Variants in RHPN1 observed in about 807,000 individuals in gnomAD.
RHPN1 encodes the protein rhophilin Rho GTPase binding protein 1.
In RHPN1, 77 loss-of-function variants were observed where a neutral mutation model predicts 74.7. The observed-to-expected ratio is 1.03, with a 90% CI of 0.86 to 1.25. The LOEUF is 1.25. RHPN1 is among the 50% of genes most tolerant of loss of function. The probability of loss-of-function intolerance (pLI) is 0.00; values close to 1 mark genes in which losing one functional copy is unlikely to be tolerated. For synonymous variants in RHPN1, 444 were observed against 414.5 expected (o/e 1.07, Z -0.87); for missense variants, 987 against 932.2 (o/e 1.06, Z -0.77).
At chr8:143,374,020 G>T (rs988597509) in intron 1 of RHPN1, 1 of 615,288 alleles carries the variant, frequency 1.6e-6, no homozygotes, top group South Asian at 7.1e-5. Context: ...ATTTTGGGGG[G>T]CTGGACGAGC....
chr8:143,377,634 G>A (rs1818370235), intron 4 of RHPN1, among the ~76,000 whole-genome samples, 179 bp downstream of exon 4: 1 of 151,462 alleles, frequency 6.6e-6, no homozygotes, highest in Non-Finnish European at 1.5e-5. Context: ...CCCAGCCTCT[G>A]CTGCGTTCAG....
In RHPN1 at chr8:143,382,442, C is replaced by G; in HGVS notation, c.1804C>G (p.Arg602Gly). The change falls in exon 15 of 15, where the codon CGC becomes GGC. Residue 602 changes from arginine (R) to glycine (G), a missense_variant. Physicochemically the swap from Arg to Gly is moderately radical, Grantham distance 125. Coordinates refer to ENST00000289013, the MANE Select transcript of RHPN1 (RefSeq NM_052924.3). ...PSSRLPSLGDRRPVLLGPRGL... is the reference protein window; with the variant it reads ...PSSRLPSLGDGRPVLLGPRGL... ...GTCTCTGTCCCTGCTGCAGGGGGACCGCCGGCCCGTCCTGCTGGGCCCCAG... is the reference window on the plus strand; with the variant it reads ...GTCTCTGTCCCTGCTGCAGGGGGACGGCCGGCCCGTCCTGCTGGGCCCCAG... 6.4e-7 allele frequency: 1 copy of G among 1,562,238 alleles called. No individual in the cohort carries two copies. Among genetic ancestry groups the G allele is most frequent in the Non-Finnish European group, 8.7e-7 (1 of 1,154,380 alleles).
chr8:143,379,633 C>T (rs1818560852), intron 8 of RHPN1, 125 bp downstream of exon 8: 2 of 1,448,532 alleles, frequency 1.4e-6, no homozygotes, highest in Non-Finnish European at 1.8e-6. Context: ...CAGCTGTTGT[C>T]CTGCTCCCTG....
In RHPN1 at chr8:143,379,041, T is replaced by G; in HGVS notation, c.714T>G (p.Gly238=). Residue 238 remains glycine (G), a synonymous_variant, in exon 7 of 15, where the codon GGT becomes GGG. Transcript: ENST00000289013. The part of the protein sequence containing the change: ...GARQDRSCTE[G]ARRAMEAFQR... ...GCCAGGACCGCTCCTGCACCGAGGG[T>G]GCCCGCCGCGCTATGGAGGCCTTCC... 1.3e-6 allele frequency: 2 copies of G among 1,542,678 alleles called. No individual in the cohort carries two copies. The highest frequency in any genetic ancestry group is 1.7e-6 in the Non-Finnish European group (2 of 1,143,848).
At position 143,376,546 on chromosome 8, in the gene RHPN1, G is replaced by T; in HGVS notation, c.198G>T (p.Val66=). ...NLYRATSNNR[V]RETVALELSY... ...TCAGAGCCACCAGCAACAACCGGGT[G>T]AGAGAGACGGTCGCCCTGGAGCTGA... Residue 66 remains valine, a synonymous_variant, in exon 3 of 15, where the codon GTG becomes GTT. Transcript: ENST00000289013. 1 of 1,612,382 alleles carries T rather than the reference G, an allele frequency of 6.2e-7. No individual in the cohort carries two copies. The highest frequency in any genetic ancestry group is 1.1e-5 in the South Asian group (1 of 90,988).
At chr8:143,379,667 G>A (rs778630494) in intron 8 of RHPN1, 159 bp downstream of exon 8, 1 of 985,434 alleles carries the variant, frequency 1.0e-6, no homozygotes, top group Non-Finnish European at 1.2e-6. Context: ...GGAACCTGGG[G>A]ACCCGAGCCT....
At chr8:143,371,801 G>T (rs1033457831) in intron 1 of RHPN1, among the ~76,000 whole-genome samples, 6 of 152,246 alleles carry the variant, frequency 3.9e-5, no homozygotes, top group African/African-American at 1.4e-4. Context: ...GGACGTGGGG[G>T]TGGGGAGCTC....
intron 1 of RHPN1, among the ~76,000 whole-genome samples, chr8:143,372,917 T>C (rs1001052762): frequency 7.9e-4 from 7 of 8,848 alleles, no homozygotes; most frequent in Non-Finnish European, 9.3e-4. Flanking sequence ...TGGGGGATGG[T>C]GTGGGTTCCA....
chr8:143,368,719 G>T (rs1817629251), upstream of RHPN1, among the ~76,000 whole-genome samples: 1 of 152,158 alleles, frequency 6.6e-6, no homozygotes, highest in African/African-American at 2.4e-5. Context: ...TCCAGAGCCC[G>T]CCTTCCTGGA....
chr8:143,371,170 C>T (rs1817796484), intron 1 of RHPN1, among the ~76,000 whole-genome samples: 2 of 152,200 alleles, frequency 1.3e-5, no homozygotes, highest in Non-Finnish European at 1.5e-5. Flanking sequence ...TATGATTCCT[C>T]TGGCGTGCGT....
chr8:143,374,049 A>G, intron 1 of RHPN1: 1 of 913,240 alleles, frequency 1.1e-6, no homozygotes, highest in Non-Finnish European at 1.3e-6. Context: ...TGTCTAGGAA[A>G]TCAAACCTTT....
intron 1 of RHPN1, 90 bp from the exon 2 acceptor site, chr8:143,375,463 G>A: frequency 1.2e-6 from 1 of 822,930 alleles, no homozygotes; most frequent in Non-Finnish European, 1.9e-6. Flanking sequence ...TTACCCATGG[G>A]CAGGATGCAC....
upstream of RHPN1, among the ~76,000 whole-genome samples, chr8:143,365,368 C>A (rs1005728797): frequency 3.3e-5 from 5 of 152,224 alleles, no homozygotes; most frequent in Admixed American, 6.5e-5. Flanking sequence ...CAGGAAATTT[C>A]TGGAATCAGC....
chr8:143,378,277 C>T lies in RHPN1; in HGVS notation c.390C>T (p.Ile130=), dbSNP rs370859809. 1 of 1,572,834 alleles carries T rather than the reference C, an allele frequency of 6.4e-7. No homozygotes were observed. The highest frequency in any genetic ancestry group is 1.4e-5 in the African/African-American group (1 of 73,918). ...CACCTGCCCCCCATCAGGAGCTGAT[C>T]TCAGTGCACTTTGGAGAGGACGGCG... is the stretch of plus-strand genomic sequence containing the variant. The part of the protein sequence containing the change: ...LDWSTPLKEL[I]SVHFGEDGAS... Residue 130 remains isoleucine (I), a synonymous_variant, in exon 5 of 15, where the codon ATC becomes ATT. Coordinates refer to ENST00000289013, the MANE Select transcript of RHPN1 (RefSeq NM_052924.3).
chr8:143,375,294 C>T (rs1057162860), intron 1 of RHPN1, among the ~76,000 whole-genome samples: 3 of 152,190 alleles, frequency 2.0e-5, no homozygotes, highest in East Asian at 1.9e-4. Flanking sequence ...CAGCCTCCCC[C>T]GCTGACCCCC....
In RHPN1 at chr8:143,380,087, G is replaced by T. The variant is rs371286966; in HGVS notation, c.1128G>T (p.Thr376=). The T allele has an allele frequency of 3.2e-6, 5 of 1,552,198 alleles. No individual in the cohort carries two copies. In the East Asian group the frequency reaches 1.2e-4, roughly 38 times the overall value. The change falls in exon 10 of 15, where the codon ACG becomes ACT. Residue 376 remains threonine (T), a synonymous_variant. Transcript: ENST00000289013. ...GSPATEGELP[T]HEQVFLQPPT... is the part of the protein sequence containing the mutation. ...CAGCGACCGAGGGAGAGCTCCCCAC[G>T]CACGAGCAGGTCTTCCTGCAGCCCC...
chr8:143,364,788 T>C (rs1817540029), upstream of RHPN1, among the ~76,000 whole-genome samples: 1 of 152,180 alleles, frequency 6.6e-6, no homozygotes, highest in African/African-American at 2.4e-5. The surrounding 1 kb of genome is among the most constrained non-coding windows in gnomAD (Gnocchi z 4.5). Context: ...ATAACACTGT[T>C]GATTGTATTT....
chr8:143,375,476 C>T lies in RHPN1; in HGVS notation c.61-77C>T, dbSNP rs536365977. 4.9e-5 allele frequency: 48 copies of T among 985,702 alleles called. No homozygotes were observed. In the African/African-American group the frequency reaches 7.5e-4, roughly 15 times the overall value. 61.1% of individuals were successfully genotyped at this position (985,702 alleles called of 1,614,324 possible). On this transcript the variant is annotated intron_variant, in intron 1 of 14. Transcript: ENST00000289013. ...CGTTACCCATGGGCAGGATGCACTC[C>T]TCTCAGTGGCTGGCGAGGCGCAGCC...
At chr8:143,375,428 G>T (rs1335762755) in intron 1 of RHPN1, 125 bp from the exon 2 acceptor site, 3 of 627,210 alleles carry the variant, frequency 4.8e-6, no homozygotes, top group African/African-American at 3.7e-5. Context: ...GCCAGCTCCA[G>T]CCCCAGCGCA....
Sources: allele counts gnomAD v4.1 joint callset (sites outside exome capture counted in the v4.1 genomes callset), GRCh38; gene constraint gnomAD v4.1.1; non-coding constraint Gnocchi (gnomAD v3.1); transcripts MANE v1.5; gene names NCBI Gene and HGNC (gene_info 2026-07-23, HGNC 2026-07-21).